Variants in NCAM1 observed in about 807,000 individuals in gnomAD.
NCAM1 encodes neural cell adhesion molecule 1.
A neutral mutation model predicts 109.8 loss-of-function variants in NCAM1; 14 were observed. That is an observed-to-expected ratio of 0.13 (90% CI 0.08 to 0.20). The LOEUF (loss-of-function observed/expected upper bound fraction) is 0.20. NCAM1 is among the 10% of genes least tolerant of loss of function. The probability of loss-of-function intolerance (pLI) is 1.00; values close to 1 mark genes in which losing one functional copy is unlikely to be tolerated. For synonymous variants in NCAM1, 418 were observed against 442.9 expected, an observed-to-expected ratio of 0.94 and a Z score of 0.70; for missense variants, 774 against 1,109.9, an observed-to-expected ratio of 0.70 and a Z score of 4.30.
intron 1 of NCAM1, among the ~76,000 whole-genome samples, chr11:113,186,152 G>T (rs538504096): frequency 7.2e-5 from 11 of 152,182 alleles, no homozygotes; most frequent in Non-Finnish European, 1.6e-4. Context: ...CCCCAGCCCT[G>T]GGCTGCAGAT....
intron 1 of NCAM1, among the ~76,000 whole-genome samples, chr11:113,021,021 T>G (rs1406910614): frequency 1.3e-5 from 2 of 152,162 alleles, no homozygotes; most frequent in Non-Finnish European, 2.9e-5. Context: ...CCTCCCAAAG[T>G]GCTGGGATTA....
At chr11:113,142,871 T>C (rs1555100730) in intron 1 of NCAM1, among the ~76,000 whole-genome samples, 1 of 152,208 alleles carries the variant, frequency 6.6e-6, no homozygotes, top group African/African-American at 2.4e-5. Context: ...TCAAACGAAT[T>C]TTAAAAATCG....
chr11:113,081,682 C>T (rs1192691616), intron 1 of NCAM1, among the ~76,000 whole-genome samples: 1 of 151,990 alleles, frequency 6.6e-6, no homozygotes, highest in Non-Finnish European at 1.5e-5. Context: ...TACAGGTGTC[C>T]ACCACCACAC....
intron 7 of NCAM1, among the ~76,000 whole-genome samples, chr11:113,212,000 C>T (rs1555113713): frequency 6.6e-6 from 1 of 152,122 alleles, no homozygotes; most frequent in Non-Finnish European, 1.5e-5. Context: ...TAATAGAGGG[C>T]AGGGGGTGTA....
intron 1 of NCAM1, among the ~76,000 whole-genome samples, chr11:112,974,381 T>C (rs1950955239): frequency 6.6e-6 from 1 of 152,010 alleles, no homozygotes; most frequent in African/African-American, 2.4e-5. Flanking sequence ...TGGCTGCCTA[T>C]TAGTAAAGAG....
chr11:113,233,155 T>G lies in NCAM1; in HGVS notation c.1531T>G (p.Ser511Ala). ...ATGTGTCTTCCCCACAGACACCCCC[T>G]CTTCACCATCCATCGACCAGGTGGA... is the stretch of plus-strand genomic sequence containing the variant. The part of the protein sequence containing the change: ...EFILVQADTP[S>A]SPSIDQVEPY... Residue 511 changes from serine to alanine, a missense_variant, in exon 13 of 20, where the codon TCT (serine) becomes GCT (alanine). Transcript: ENST00000316851. The surrounding 1 kb of genome is among the most constrained non-coding windows in gnomAD (Gnocchi z 4.5). The G allele has an allele frequency of 6.2e-7, 1 of 1,612,794 alleles. No individual in the cohort carries two copies. Among genetic ancestry groups the G allele is most frequent in the Non-Finnish European group, 8.5e-7 (1 of 1,179,724 alleles).
In NCAM1 at chr11:113,227,154, T is replaced by A. The variant is rs1241957273; in HGVS notation, c.1090-4491T>A. Among the ~76,000 whole-genome samples the A allele has an allele frequency of 7.3e-5, 11 of 150,930 alleles. No homozygotes were observed. The South Asian group carries it at 2.1e-3, about 29-fold the overall frequency. On this transcript the variant is annotated intron_variant, in intron 9 of 19. Coordinates refer to ENST00000316851, the MANE Select transcript of NCAM1 (RefSeq NM_181351.5). ...AATGAATCCAGGAGCTGGTTTTTTTTAAAAGATCAACAACATTGACAGACC... is the reference window on the plus strand; with the variant it reads ...AATGAATCCAGGAGCTGGTTTTTTTAAAAAGATCAACAACATTGACAGACC...
At chr11:113,011,819 C>A (rs1222692811) in intron 1 of NCAM1, among the ~76,000 whole-genome samples, 10 of 152,084 alleles carry the variant, frequency 6.6e-5, no homozygotes, top group Admixed American at 6.5e-4. Context: ...CAAGGAAAGG[C>A]TGAAGAATTG....
At chr11:112,992,697 C>T (rs186971047) in intron 1 of NCAM1, among the ~76,000 whole-genome samples, 12 of 151,888 alleles carry the variant, frequency 7.9e-5, no homozygotes, top group Admixed American at 2.6e-4. Flanking sequence ...TTAGTAGAGA[C>T]GGGGTTTCAC....
chr11:113,008,280 A>T (rs1951940771), intron 1 of NCAM1, among the ~76,000 whole-genome samples: 1 of 152,182 alleles, frequency 6.6e-6, no homozygotes, highest in Non-Finnish European at 1.5e-5. Flanking sequence ...TGGCTTTCAG[A>T]ATAATCACAG....
intron 1 of NCAM1, among the ~76,000 whole-genome samples, chr11:113,141,245 C>T (rs1941808207): frequency 6.6e-6 from 1 of 152,214 alleles, no homozygotes; most frequent in Admixed American, 6.5e-5. Flanking sequence ...TGATGACCTA[C>T]TCTGCCCTTA....
chr11:113,019,675 A>T (rs530652728), intron 1 of NCAM1, among the ~76,000 whole-genome samples: 2 of 152,340 alleles, frequency 1.3e-5, no homozygotes, highest in East Asian at 3.9e-4. Context: ...AACAGATAAC[A>T]TCACCTGAGT....
intron 9 of NCAM1, among the ~76,000 whole-genome samples, chr11:113,223,208 G>A (rs1403435280): frequency 6.6e-6 from 1 of 152,112 alleles, no homozygotes; most frequent in Non-Finnish European, 1.5e-5. Context: ...GCTGGTAGGT[G>A]GCACACCCTG....
At chr11:113,046,195 A>T (rs2135361980) in intron 1 of NCAM1, among the ~76,000 whole-genome samples, 1 of 152,292 alleles carries the variant, frequency 6.6e-6, no homozygotes, top group African/African-American at 2.4e-5. Flanking sequence ...TAGGTTTCTT[A>T]CTTATTTAAT....
intron 1 of NCAM1, among the ~76,000 whole-genome samples, chr11:113,139,544 T>C (rs1358880657): frequency 1.3e-5 from 2 of 152,244 alleles, no homozygotes; most frequent in African/African-American, 4.8e-5. Context: ...CAATTTCATA[T>C]GTGACAAGGT....
intron 2 of NCAM1, among the ~76,000 whole-genome samples, chr11:113,203,462 C>T (rs1369358392): frequency 1.3e-5 from 2 of 152,326 alleles, no homozygotes; most frequent in South Asian, 2.1e-4. Context: ...CTGAGAAGGG[C>T]GCCACGCGAA....
chr11:113,020,678 T>G (rs1952355256), intron 1 of NCAM1, among the ~76,000 whole-genome samples: 1 of 152,180 alleles, frequency 6.6e-6, no homozygotes, highest in African/African-American at 2.4e-5. Flanking sequence ...TCTTAGAATT[T>G]GAAAAGCAAT....
intron 19 of NCAM1, 88 bp downstream of exon 19, chr11:113,271,964 C>T: frequency 1.0e-6 from 1 of 970,886 alleles, no homozygotes; most frequent in Non-Finnish European, 1.5e-6. Context: ...GTGCCCCTAC[C>T]CACAGCTCCC....
rs1264724325 is a variant in NCAM1 at position 113,025,190 on chromosome 11, C to G, written c.52+63526C>G. ...TATTTCTCAAGTCATTTTTTTTCAT[C>G]AGGATTTGCTAAACACTTAAAGTAT... On this transcript the variant is annotated intron_variant, in intron 1 of 19. Transcript: ENST00000316851. 2.0e-5 allele frequency among the ~76,000 whole-genome samples: 3 copies of G among 151,860 alleles called. No individual in the cohort carries two copies. The East Asian group carries it at 5.8e-4, about 29-fold the overall frequency.
Sources: allele counts gnomAD v4.1 joint callset (sites outside exome capture counted in the v4.1 genomes callset), GRCh38; gene constraint gnomAD v4.1.1; non-coding constraint Gnocchi (gnomAD v3.1); transcripts MANE v1.5; gene names NCBI Gene and HGNC (gene_info 2026-07-23, HGNC 2026-07-21).